TGFB2: variants seen among roughly 807,000 people sequenced by gnomAD.
TGFB2 encodes the protein transforming growth factor beta 2.
Under a neutral mutation model 42.7 loss-of-function variants are expected in TGFB2, and 13 were observed. The observed-to-expected ratio is 0.30, with a 90% confidence interval of 0.20 to 0.48. TGFB2 has a LOEUF of 0.48. TGFB2 is among the 20% of genes least tolerant of loss of function. TGFB2 has a pLI of 0.99. For missense variants in TGFB2, 390 were observed against 517.5 expected (o/e 0.75, Z 2.39); for synonymous variants, 193 against 193.6 (o/e 1.00, Z 0.03).
intron 1 of TGFB2, among the ~76,000 whole-genome samples, chr1:218,363,049 TA>T (rs1657270770): frequency 6.6e-6 from 1 of 152,234 alleles, no homozygotes; most frequent in Non-Finnish European, 1.5e-5. Context: ...TTTCAGTATG[TA>T]AATTGTACTC....
intron 1 of TGFB2, among the ~76,000 whole-genome samples, chr1:218,399,322 A>T (rs1426118429): frequency 1.3e-5 from 2 of 152,228 alleles, no homozygotes; most frequent in Admixed American, 6.5e-5. Flanking sequence ...ATTTACCATG[A>T]TGTGATTATT....
chr1:218,367,878 C>T (rs1657437315), intron 1 of TGFB2, among the ~76,000 whole-genome samples: 2 of 152,188 alleles, frequency 1.3e-5, no homozygotes, highest in African/African-American at 4.8e-5. Flanking sequence ...TCTCAGCTTA[C>T]TGCAACCTCC....
chr1:218,439,107 CAAA>C (rs5781035), intron 6 of TGFB2, among the ~76,000 whole-genome samples: 1,792 of 103,910 alleles, frequency 0.017, 32 homozygotes, highest in African/African-American at 0.055. Flanking sequence ...GATCCTGTCT[CAAA>C]AAAAAAAAAA....
At chr1:218,408,363 C>T (rs555947120) in intron 2 of TGFB2, among the ~76,000 whole-genome samples, 189 of 152,210 alleles carry the variant, frequency 1.2e-3, no homozygotes, top group African/African-American at 2.9e-3. Flanking sequence ...TGCTCCATGA[C>T]GCAAGTGACA....
chr1:218,396,935 T>C (rs950567633), intron 1 of TGFB2, among the ~76,000 whole-genome samples: 3 of 152,202 alleles, frequency 2.0e-5, no homozygotes, highest in African/African-American at 7.2e-5. Context: ...CTTTTCTCTG[T>C]CTTACTCTTT....
At chr1:218,431,717 A>G (rs1659812096) in intron 2 of TGFB2, among the ~76,000 whole-genome samples, 1 of 152,208 alleles carries the variant, frequency 6.6e-6, no homozygotes, top group African/African-American at 2.4e-5. Flanking sequence ...TTAGAGACAA[A>G]ACGATGAGTT....
chr1:218,364,323 G>A (rs1657315587), intron 1 of TGFB2, among the ~76,000 whole-genome samples: 1 of 152,160 alleles, frequency 6.6e-6, no homozygotes. Flanking sequence ...TAGGCTGAGG[G>A]GTACAAAAGC....
chr1:218,398,576 TTTTA>T (rs1255660880), intron 1 of TGFB2, among the ~76,000 whole-genome samples: 2 of 151,550 alleles, frequency 1.3e-5, no homozygotes, highest in South Asian at 2.1e-4. Context: ...TTTTATTTTA[TTTTA>T]TTTATTTATT....
chr1:218,436,266 C>T, intron 5 of TGFB2, 119 bp downstream of exon 5: 2 of 941,486 alleles, frequency 2.1e-6, no homozygotes, highest in South Asian at 1.9e-5. Context: ...AGATAGAGTG[C>T]AGTACAGCTC....
intron 1 of TGFB2, among the ~76,000 whole-genome samples, chr1:218,384,549 A>G (rs1208287209): frequency 6.6e-6 from 1 of 152,224 alleles, no homozygotes; most frequent in African/African-American, 2.4e-5. Flanking sequence ...CCTCATCTGC[A>G]AAATGGAAAT....
At chr1:218,378,433 TC>T (rs1319996340) in intron 1 of TGFB2, among the ~76,000 whole-genome samples, 1 of 152,156 alleles carries the variant, frequency 6.6e-6, no homozygotes, top group African/African-American at 2.4e-5. Context: ...CGCCTCGGCC[TC>T]CCAAAGTGCT....
At position 218,436,586 on chromosome 1, in the gene TGFB2, C is replaced by T. The variant is rs922691053; in HGVS notation, c.932+439C>T. Among the ~76,000 whole-genome samples the T allele has an allele frequency of 3.9e-5, 6 of 152,300 alleles. No homozygotes were observed. In the East Asian group the frequency reaches 7.7e-4, roughly 20 times the overall value. ...CAGAGATGAGACAGCAGAAGAATGCCGTGTGTCACACCTTTAGCAACAGCA... is the reference window on the plus strand; with the variant it reads ...CAGAGATGAGACAGCAGAAGAATGCTGTGTGTCACACCTTTAGCAACAGCA... On this transcript the variant is annotated intron_variant, in intron 5 of 6. Transcript: ENST00000366930.
chr1:218,437,650 G>A (rs192936207), intron 6 of TGFB2, among the ~76,000 whole-genome samples, 154 bp downstream of exon 6: 3 of 152,276 alleles, frequency 2.0e-5, no homozygotes, highest in Non-Finnish European at 4.4e-5. Context: ...TGGTGCAAAA[G>A]TATTCGCAGT....
At chr1:218,437,531 G>A in intron 6 of TGFB2, 35 bp downstream of exon 6, 1 of 1,575,642 alleles carries the variant, frequency 6.3e-7, no homozygotes, top group Non-Finnish European at 8.6e-7. Flanking sequence ...CTCTGTTCTT[G>A]GGTTACCATG....
intron 2 of TGFB2, among the ~76,000 whole-genome samples, chr1:218,408,937 T>C (rs932672952): frequency 6.6e-6 from 1 of 152,196 alleles, no homozygotes; most frequent in African/African-American, 2.4e-5. Flanking sequence ...GCGCTGAGCT[T>C]GTTTTCCTGC....
intron 1 of TGFB2, among the ~76,000 whole-genome samples, chr1:218,387,618 A>G (rs897850567): frequency 2.7e-5 from 4 of 150,546 alleles, no homozygotes; most frequent in African/African-American, 7.5e-5. Context: ...GATACCCTAT[A>G]TGAGATCTAC....
At position 218,435,985 on chromosome 1, in the gene TGFB2, C is replaced by T. The variant is rs1263309543; in HGVS notation, c.770C>T (p.Ser257Phe). The change falls in exon 5 of 7, where the codon TCC becomes TTC. Residue 257 changes from serine (S) to phenylalanine (F), a missense_variant. Physicochemically the swap from Ser to Phe is radical, Grantham distance 155. Coordinates refer to ENST00000366930, the MANE Select transcript of TGFB2 (RefSeq NM_003238.6). ...TTTTTTCAAGGTATTGATGGCACCT[C>T]CACATATACCAGTGGTGATCAGAAA... ...EARFAGIDGTSTYTSGDQKTI... is the reference protein window; with the variant it reads ...EARFAGIDGTFTYTSGDQKTI... The T allele has an allele frequency of 2.5e-6, 4 of 1,610,178 alleles. No homozygotes were observed. In the Admixed American group the frequency reaches 5.1e-5, roughly 20 times the overall value.
rs201814950 is a variant in TGFB2 at position 218,437,516 on chromosome 1, G to C, written c.1086+20G>C. ...AGCAGGGTGAGTGTTCAGCTTACCT[G>C]TTGCCTCTGTTCTTGGGTTACCATG... On this transcript the variant is annotated intron_variant, in intron 6 of 6. Coordinates refer to ENST00000366930, the MANE Select transcript of TGFB2 (RefSeq NM_003238.6). 19 of 1,597,900 alleles carry C rather than the reference G, an allele frequency of 1.2e-5. No homozygotes were observed. Among genetic ancestry groups the C allele is most frequent in the Non-Finnish European group, 1.4e-5 (17 of 1,172,760 alleles).
intron 1 of TGFB2, among the ~76,000 whole-genome samples, chr1:218,362,527 TGACAGAACAG>T (rs1657247005): frequency 6.6e-6 from 1 of 152,214 alleles, no homozygotes; most frequent in African/African-American, 2.4e-5. Context: ...AGGAAATCAG[TGACAGAACAG>T]GGGTTTGAAT....
Sources: gnomAD v4.1 joint callset for allele counts (sites outside exome capture counted in the v4.1 genomes callset) on GRCh38, gnomAD v4.1.1 for gene constraint, MANE v1.5 for transcripts, NCBI Gene and HGNC (gene_info 2026-07-23, HGNC 2026-07-21) for gene names.